Variants in GNB1L observed in about 807,000 individuals in gnomAD.
GNB1L encodes G protein subunit beta 1 like, also known as guanine nucleotide-binding protein subunit beta-like protein 1.
GNB1L carries 20 observed loss-of-function variants against 29.1 expected under a neutral mutation model. The ratio of observed to expected loss-of-function variants is 0.69; its 90% confidence interval spans 0.48 to 1.00. The LOEUF (loss-of-function observed/expected upper bound fraction) is 1.00, where lower values mean the gene tolerates loss of function less well. Ranked by LOEUF, GNB1L falls within the 50% of genes least tolerant of loss-of-function variation. GNB1L has a pLI of 0.00. For synonymous variants in GNB1L, 193 were observed against 206.5 expected, an observed-to-expected ratio of 0.93 and a Z score of 0.56; for missense variants, 421 against 464.9, an observed-to-expected ratio of 0.91 and a Z score of 0.87.
chr22:19,849,681 T>C, intron 2 of GNB1L: 1 of 985,160 alleles, frequency 1.0e-6, no homozygotes, highest in Non-Finnish European at 1.2e-6. Flanking sequence ...TCTGAATAAG[T>C]TTAATCAGAT....
At chr22:19,798,958 C>A (rs1937337677) in intron 7 of GNB1L, among the ~76,000 whole-genome samples, 1 of 152,254 alleles carries the variant, frequency 6.6e-6, no homozygotes, top group African/African-American at 2.4e-5. Context: ...AGCCTCTCCT[C>A]CTGATGCGAT....
chr22:19,802,964 A>G (rs2145868563), intron 6 of GNB1L, among the ~76,000 whole-genome samples: 1 of 152,302 alleles, frequency 6.6e-6, no homozygotes, highest in South Asian at 2.1e-4. Context: ...CGGCACCAAG[A>G]ATGACAGCCC....
At chr22:19,794,517 A>C (rs1157554842) in intron 7 of GNB1L, among the ~76,000 whole-genome samples, 1 of 152,248 alleles carries the variant, frequency 6.6e-6, no homozygotes, top group Admixed American at 6.5e-5. Flanking sequence ...CCGAATACTA[A>C]AAAATAAATA....
intron 6 of GNB1L, among the ~76,000 whole-genome samples, chr22:19,802,672 C>A (rs573212296): frequency 1.3e-5 from 2 of 152,366 alleles, no homozygotes; most frequent in South Asian, 4.1e-4. Context: ...TGTGTGGCCA[C>A]CACTTACTGG....
chr22:19,801,653 GT>G (rs546357448), intron 7 of GNB1L, among the ~76,000 whole-genome samples: 217 of 137,650 alleles, frequency 1.6e-3, no homozygotes, highest in Middle Eastern at 0.011. Context: ...TTCCACACTG[GT>G]TTTTTTTTTT....
At chr22:19,793,921 C>T (rs1027099864) in intron 7 of GNB1L, among the ~76,000 whole-genome samples, 1 of 152,040 alleles carries the variant, frequency 6.6e-6, no homozygotes, top group Non-Finnish European at 1.5e-5. Context: ...AGGATGAGCA[C>T]CAGAAATGGC....
intron 4 of GNB1L, among the ~76,000 whole-genome samples, chr22:19,815,534 C>T (rs1255607432): frequency 6.6e-6 from 1 of 152,190 alleles, no homozygotes; most frequent in Non-Finnish European, 1.5e-5. Flanking sequence ...GGAGGGCACC[C>T]ATGTAAGCCC....
Position 19,852,256 on chromosome 22 carries a change from A to T in GNB1L, c.-21+2187T>A. On this transcript the variant is annotated intron_variant, in intron 2 of 7. Transcript: ENST00000329517. ...GGCCCTGCTGACGGCACCGGCCACG[A>T]GGCATGCTGGGAGCACAGGGGAGAA... 4 of 1,602,724 alleles carry T rather than the reference A, an allele frequency of 2.5e-6. No homozygotes were observed. In the East Asian group the frequency reaches 8.9e-5, roughly 36 times the overall value.
In GNB1L at chr22:19,854,858, C is replaced by A. The variant is rs2145910735; in HGVS notation, c.-156G>T. Reference sequence around the variant, plus strand: ...TCGGGAACGCCTGCTCCTAGGAGCGCCGCGCAGCGTCCAGAGACCGATTAC... The same window carrying A: ...TCGGGAACGCCTGCTCCTAGGAGCGACGCGCAGCGTCCAGAGACCGATTAC... On this transcript the variant is annotated 5_prime_UTR_variant, in exon 1 of 8. Coordinates refer to ENST00000329517, the MANE Select transcript of GNB1L (RefSeq NM_053004.3). 6.6e-6 allele frequency: 1 copy of A among 152,366 alleles called. No homozygotes were observed. Among genetic ancestry groups the A allele is most frequent in the East Asian group, 1.9e-4 (1 of 5,174 alleles). 9.4% of individuals were successfully genotyped at this position (152,366 alleles called of 1,614,324 possible). A position where few individuals can be genotyped will look rare whatever the true frequency, so the allele number is the denominator to read the frequency against.
At chr22:19,841,576 A>T (rs1260888908) in intron 2 of GNB1L, among the ~76,000 whole-genome samples, 4 of 152,198 alleles carry the variant, frequency 2.6e-5, no homozygotes, top group Non-Finnish European at 5.9e-5. Flanking sequence ...CAGGAGGTTA[A>T]GGCTGCAGTG....
At chr22:19,851,953 G>A (rs1233935095) in intron 2 of GNB1L, 1 of 1,614,136 alleles carries the variant, frequency 6.2e-7, no homozygotes, top group South Asian at 1.1e-5. Flanking sequence ...AGGTGCCTGG[G>A]TCTGAGCCTG....
chr22:19,791,081 T>A (rs983301686), intron 7 of GNB1L, among the ~76,000 whole-genome samples: 3 of 152,112 alleles, frequency 2.0e-5, no homozygotes, highest in Non-Finnish European at 2.9e-5. Context: ...AAAAATTTTT[T>A]AATTAGCCAT....
chr22:19,805,509 G>A (rs934013523), intron 6 of GNB1L, among the ~76,000 whole-genome samples: 8 of 151,498 alleles, frequency 5.3e-5, no homozygotes, highest in Non-Finnish European at 1.0e-4. Flanking sequence ...TGGGCCGGGC[G>A]CGGTGGCTCA....
chr22:19,788,925 G>A lies in GNB1L; in HGVS notation c.768C>T (p.Ile256=), dbSNP rs147234999. The change falls in exon 8 of 8, where the codon ATC becomes ATT. Residue 256 remains isoleucine (I), a synonymous_variant. Coordinates refer to ENST00000329517, the MANE Select transcript of GNB1L (RefSeq NM_053004.3). ...RGTHELTNPG[I]AEVTIRPDRK... is the part of the protein sequence containing the mutation. Reference sequence around the variant, plus strand: ...GATCTGGCCGGATCGTGACCTCGGCGATCCCGGGATTGGTGAGTTCATGAG... The same window carrying A: ...GATCTGGCCGGATCGTGACCTCGGCAATCCCGGGATTGGTGAGTTCATGAG... The A allele has an allele frequency of 4.0e-5, 64 of 1,610,844 alleles. No individual in the cohort carries two copies. The African/African-American group carries it at 5.6e-4, about 14-fold the overall frequency.
At position 19,820,734 on chromosome 22, in the gene GNB1L, C is replaced by G. The variant is rs377544200; in HGVS notation, c.129-11G>C. 2.5e-6 allele frequency: 4 copies of G among 1,605,246 alleles called. No homozygotes were observed. The African/African-American group carries it at 5.3e-5, about 21-fold the overall frequency. ...AGGCCACTCTGAGACCTGTTTCAGA[C>G]AAGCCGAGCAGGGTGTCAGGGGGCA... On this transcript the variant is annotated splice_polypyrimidine_tract_variant and intron_variant, in intron 3 of 7. Coordinates refer to ENST00000329517, the MANE Select transcript of GNB1L (RefSeq NM_053004.3).
chr22:19,791,892 C>T (rs9618694), intron 7 of GNB1L, among the ~76,000 whole-genome samples: 3,652 of 152,242 alleles, frequency 0.024, 127 homozygotes, highest in African/African-American at 0.077. Flanking sequence ...AAAAGGTCTG[C>T]AGGAGAGGCA....
chr22:19,849,036 G>A, intron 2 of GNB1L: 1 of 985,468 alleles, frequency 1.0e-6, no homozygotes, highest in Non-Finnish European at 1.2e-6. Context: ...AGGGGGGATG[G>A]GGCCTGAGTC....
chr22:19,796,944 T>G (rs1486048394), intron 7 of GNB1L, among the ~76,000 whole-genome samples: 2 of 152,190 alleles, frequency 1.3e-5, no homozygotes, highest in Non-Finnish European at 2.9e-5. Context: ...GGACGGAGCT[T>G]TGAATGCGGC....
In GNB1L at chr22:19,788,245, G is replaced by A. The variant is rs1424788395; in HGVS notation, c.*464C>T. On this transcript the variant is annotated 3_prime_UTR_variant, in exon 8 of 8. Coordinates refer to ENST00000329517, the MANE Select transcript of GNB1L (RefSeq NM_053004.3). ...GTGGACATCGACGCAGCTATGGTTG[G>A]GGCCTATCATCTCCTGAGGCCTGGC... The A allele has an allele frequency of 5.2e-6, 2 of 383,614 alleles. No homozygotes were observed. Among genetic ancestry groups the A allele is most frequent in the Non-Finnish European group, 9.4e-6 (2 of 211,686 alleles). 23.8% of individuals were successfully genotyped at this position (383,614 alleles called of 1,614,324 possible).
Sources: allele counts gnomAD v4.1 joint callset (sites outside exome capture counted in the v4.1 genomes callset), GRCh38; gene constraint gnomAD v4.1.1; transcripts MANE v1.5; gene names NCBI Gene and HGNC (gene_info 2026-07-23, HGNC 2026-07-21).